Variants in RASSF3 observed in about 807,000 individuals in gnomAD.
The protein encoded by RASSF3 is ras association domain-containing protein 3.
Under a neutral mutation model 19.9 loss-of-function variants are expected in RASSF3, and 19 were observed. That is an observed-to-expected ratio of 0.96 (90% CI 0.67 to 1.40). The LOEUF (loss-of-function observed/expected upper bound fraction) is 1.40. RASSF3 is among the 40% of genes most tolerant of loss of function. The pLI is 0.00. For missense variants in RASSF3, 306 were observed against 289.8 expected (o/e 1.06, Z -0.41); for synonymous variants, 110 against 104.2 (o/e 1.06, Z -0.34).
At chr12:64,638,396 C>A (rs900202212) in intron 1 of RASSF3, among the ~76,000 whole-genome samples, 1 of 151,802 alleles carries the variant, frequency 6.6e-6, no homozygotes, top group Non-Finnish European at 1.5e-5. Flanking sequence ...CTGGCTAATA[C>A]GGTGAAACCC....
intron 1 of RASSF3, among the ~76,000 whole-genome samples, chr12:64,540,024 T>A (rs112989477): frequency 0.023 from 3,469 of 152,286 alleles, 62 homozygotes; most frequent in Non-Finnish European, 0.033. Flanking sequence ...TACATACGTA[T>A]CTTCAGAGAA....
rs533588823 is a variant in RASSF3, at chr12:64,525,878, T to C, written c.170-15703T>C. On this transcript the variant is annotated intron_variant, in intron 1 of 5. Coordinates refer to the RASSF3 transcript ENST00000637125. Reference sequence around the variant, plus strand: ...ACTGTGATGCGTGTGAAAGACAGTATTGAAAGAGGCACATCATCAGCACGT... The same window carrying C: ...ACTGTGATGCGTGTGAAAGACAGTACTGAAAGAGGCACATCATCAGCACGT... 1.6e-3 allele frequency among the ~76,000 whole-genome samples: 246 copies of C among 152,254 alleles called. 1 individual carries two copies. The highest frequency in any genetic ancestry group is 5.8e-3 in the African/African-American group (241 of 41,558).
intron 1 of RASSF3, among the ~76,000 whole-genome samples, chr12:64,625,708 C>G (rs1168976841): frequency 6.6e-6 from 1 of 151,960 alleles, no homozygotes; most frequent in African/African-American, 2.4e-5. Flanking sequence ...TGCTGCTGTC[C>G]TTAGAGTCCA....
chr12:64,531,306 G>A (rs1868703780), upstream of RASSF3, among the ~76,000 whole-genome samples: 1 of 152,110 alleles, frequency 6.6e-6, no homozygotes, highest in African/African-American at 2.4e-5. Flanking sequence ...ATTTTTCAGG[G>A]GATTGTCCTT....
chr12:64,626,225 A>G (rs1020028377), intron 1 of RASSF3, among the ~76,000 whole-genome samples: 10 of 152,192 alleles, frequency 6.6e-5, no homozygotes, highest in Non-Finnish European at 1.3e-4. Context: ...GCATATAAGT[A>G]CATGTTTAAT....
intron 1 of RASSF3, among the ~76,000 whole-genome samples, chr12:64,637,423 CTTTTTTT>C (rs781748041): frequency 7.5e-6 from 1 of 132,516 alleles, no homozygotes; most frequent in African/African-American, 2.8e-5. Flanking sequence ...TAGTTTCTTT[CTTTTTTT>C]TTTTTTTTTT....
At chr12:64,516,259 T>C (rs921072936) in intron 1 of RASSF3, among the ~76,000 whole-genome samples, 1 of 152,134 alleles carries the variant, frequency 6.6e-6, no homozygotes, top group Non-Finnish European at 1.5e-5. Context: ...ATAGGTAATA[T>C]TGTTCTAAAT....
intron 1 of RASSF3, among the ~76,000 whole-genome samples, chr12:64,625,752 G>A (rs935197081): frequency 6.6e-6 from 1 of 151,226 alleles, no homozygotes; most frequent in South Asian, 2.1e-4. Flanking sequence ...CCAGCCCTCT[G>A]TTCTCTCTCC....
At chr12:64,533,132 C>T (rs1298846646), upstream of RASSF3, 5 of 152,266 alleles carry the variant, frequency 3.3e-5, no homozygotes, top group Non-Finnish European at 7.3e-5. Context: ...TACATGAAGC[C>T]AGGGAGTGAA....
intron 1 of RASSF3, among the ~76,000 whole-genome samples, chr12:64,680,901 C>A (rs190495946): frequency 6.6e-6 from 1 of 152,122 alleles, no homozygotes; most frequent in Non-Finnish European, 1.5e-5. Flanking sequence ...TGTGAGCCAC[C>A]GCGCCCAGCC....
At chr12:64,553,075 G>A (rs1869193210) in intron 2 of RASSF3, among the ~76,000 whole-genome samples, 1 of 152,152 alleles carries the variant, frequency 6.6e-6, no homozygotes, top group Admixed American at 6.5e-5. Flanking sequence ...CGGGTGTGGT[G>A]CCACACACCA....
intron 2 of RASSF3, among the ~76,000 whole-genome samples, chr12:64,577,887 T>C (rs533657472): frequency 3.3e-5 from 5 of 152,154 alleles, no homozygotes; most frequent in Admixed American, 1.3e-4. Flanking sequence ...CAATCATGGT[T>C]TCTGCCTTCA....
At chr12:64,521,416 C>T (rs1458395019) in intron 1 of RASSF3, among the ~76,000 whole-genome samples, 6 of 152,144 alleles carry the variant, frequency 3.9e-5, no homozygotes, top group Non-Finnish European at 7.4e-5. Context: ...GGACCACATC[C>T]TTTCATGAGT....
intron 1 of RASSF3, among the ~76,000 whole-genome samples, chr12:64,526,775 G>A (rs1868597096): frequency 1.3e-5 from 2 of 152,088 alleles, no homozygotes; most frequent in African/African-American, 4.8e-5. Context: ...TGAACTCCTG[G>A]CCTCAAGTGA....
intron 2 of RASSF3, among the ~76,000 whole-genome samples, chr12:64,561,648 A>G (rs1869348380): frequency 6.6e-6 from 1 of 152,104 alleles, no homozygotes. Flanking sequence ...CACTAAAACA[A>G]AAAATGCCTC....
upstream of RASSF3, among the ~76,000 whole-genome samples, chr12:64,532,555 G>C (rs553764970): frequency 6.6e-6 from 1 of 152,124 alleles, no homozygotes; most frequent in South Asian, 2.1e-4. Context: ...AGATGTGGTG[G>C]CTTATGTCTG....
chr12:64,659,648 T>G (rs1872274253), intron 1 of RASSF3, among the ~76,000 whole-genome samples: 1 of 152,116 alleles, frequency 6.6e-6, no homozygotes, highest in African/African-American at 2.4e-5. Flanking sequence ...AAAAATCAAA[T>G]GCTAATAATA....
At chr12:64,650,583 T>C (rs1374847399) in intron 1 of RASSF3, among the ~76,000 whole-genome samples, 1 of 151,710 alleles carries the variant, frequency 6.6e-6, no homozygotes, top group Admixed American at 6.6e-5. Context: ...ACCCAGCTAA[T>C]TTTTTGTATT....
chr12:64,610,266 C>T (rs1160743293), upstream of RASSF3, among the ~76,000 whole-genome samples: 1 of 152,036 alleles, frequency 6.6e-6, no homozygotes, highest in Non-Finnish European at 1.5e-5. Flanking sequence ...GCCCTAGCGC[C>T]CGGCTTTCCG....
Sources: allele counts gnomAD v4.1 joint callset (sites outside exome capture counted in the v4.1 genomes callset), GRCh38; gene constraint gnomAD v4.1.1; transcripts MANE v1.5; gene names NCBI Gene and HGNC (gene_info 2026-07-23, HGNC 2026-07-21).